LUC7L: variants seen among roughly 807,000 people sequenced by gnomAD.
The protein encoded by LUC7L is putative RNA-binding protein Luc7-like 1.
LUC7L carries 29 observed loss-of-function variants against 51.1 expected under a neutral mutation model. The observed-to-expected ratio is 0.57, with a 90% CI of 0.42 to 0.77. LUC7L has a LOEUF of 0.77. Ranked by LOEUF, LUC7L falls within the 30% of genes least tolerant of loss-of-function variation. The pLI, the probability that LUC7L is intolerant of heterozygous loss-of-function variation, is 0.00. For synonymous variants in LUC7L, 181 were observed against 180.7 expected (o/e 1.00, Z -0.01); for missense variants, 403 against 511.9 (o/e 0.79, Z 2.05).
In LUC7L at chr16:189,066, G is replaced by C; in HGVS notation, c.*132C>G. On this transcript the variant is annotated 3_prime_UTR_variant, in exon 10 of 10. Transcript: ENST00000293872. ...ACAGGAGCAACTCTGTACACTTCTAGAAACTCACAGCTAGCTCCAAAACAA... is the reference window on the plus strand; with the variant it reads ...ACAGGAGCAACTCTGTACACTTCTACAAACTCACAGCTAGCTCCAAAACAA... The C allele has an allele frequency of 9.6e-7, 1 of 1,042,386 alleles. No individual in the cohort carries two copies. Among genetic ancestry groups the C allele is most frequent in the South Asian group, 1.5e-5 (1 of 64,962 alleles). 64.6% of individuals were successfully genotyped at this position (1,042,386 alleles called of 1,614,324 possible).
intron 3 of LUC7L, 82 bp from the exon 4 acceptor site, chr16:208,270 C>A: frequency 1.0e-6 from 1 of 1,000,356 alleles, no homozygotes; most frequent in South Asian, 1.4e-5. Flanking sequence ...ATAGGAAATA[C>A]ACTCCTAGGT....
chr16:222,952 A>G (rs1321891419), intron 2 of LUC7L, among the ~76,000 whole-genome samples: 1 of 105,800 alleles, frequency 9.5e-6, no homozygotes, highest in African/African-American at 3.9e-5. Flanking sequence ...CCCGTCTTTT[A>G]AAAAAAAAAA....
chr16:222,140 T>C lies in LUC7L; in HGVS notation c.157-1393A>G, dbSNP rs2049986902. 3.3e-5 allele frequency among the ~76,000 whole-genome samples: 5 copies of C among 152,260 alleles called. No individual in the cohort carries two copies. The South Asian group carries it at 1.0e-3, about 32-fold the overall frequency. ...TGCAGTACAATTAGAAAACAGTGTA[T>C]GATTTTAATCTAAATCCTAAGTATA... On this transcript the variant is annotated intron_variant, in intron 2 of 9. Transcript: ENST00000293872.
chr16:203,929 T>C (rs1479913385), intron 5 of LUC7L, among the ~76,000 whole-genome samples: 1 of 150,788 alleles, frequency 6.6e-6, no homozygotes, highest in Non-Finnish European at 1.5e-5. Context: ...GGCAGGAGAA[T>C]CGCTTGAGCC....
chr16:214,716 G>A (rs896513429), intron 3 of LUC7L, among the ~76,000 whole-genome samples: 2 of 152,114 alleles, frequency 1.3e-5, no homozygotes, highest in East Asian at 3.9e-4. Flanking sequence ...TTTGTGTACA[G>A]ACAGGGTTTG....
Position 201,592 on chromosome 16 carries a change from G to A in LUC7L, c.511-2354C>T, listed in dbSNP as rs1050088672. On this transcript the variant is annotated intron_variant, in intron 5 of 9. Transcript: ENST00000293872. ...GTAGCTGGGACTACAAGCGCACGCC[G>A]CCACGCCCGGCCAATTTTTTGTATT... is the stretch of plus-strand genomic sequence containing the variant. 5.3e-5 allele frequency among the ~76,000 whole-genome samples: 8 copies of A among 151,746 alleles called. No individual in the cohort carries two copies. In the South Asian group the frequency reaches 8.3e-4, roughly 16 times the overall value.
intron 6 of LUC7L, among the ~76,000 whole-genome samples, chr16:193,899 G>C (rs928928360): frequency 6.6e-6 from 1 of 151,864 alleles, no homozygotes; most frequent in Admixed American, 6.6e-5. Flanking sequence ...CGCCTCCCGG[G>C]TTCACGCCAT....
At chr16:201,533 G>A (rs1056248595) in intron 5 of LUC7L, among the ~76,000 whole-genome samples, 16 of 151,230 alleles carry the variant, frequency 1.1e-4, no homozygotes, top group African/African-American at 2.7e-4. Context: ...TCTGCCTCCC[G>A]GGTCCACACC....
At chr16:207,016 A>G (rs1359659801) in intron 4 of LUC7L, among the ~76,000 whole-genome samples, 52 of 151,578 alleles carry the variant, frequency 3.4e-4, no homozygotes, top group African/African-American at 1.2e-3. Flanking sequence ...TGGCTAACAC[A>G]GTGAAACCCC....
At position 189,287 on chromosome 16, in the gene LUC7L, C is replaced by A. The variant is rs776926792; in HGVS notation, c.1027G>T (p.Glu343Ter). The change falls in exon 10 of 10, where the codon GAG becomes TAG. Residue 343 changes from glutamate to a stop codon, truncating the protein, a stop_gained. Coordinates refer to ENST00000293872, the MANE Select transcript of LUC7L (RefSeq NM_201412.3). LOFTEE classifies it high-confidence loss of function. ...REESWESGRS[E>*]RGPPDWRLES... ...AGCCTCCAGTCCGGGGGCCCTCGCT[C>A]GCTCCGCCCGCTCTCCCAGGACTCC... 4 of 1,613,460 alleles carry A rather than the reference C, an allele frequency of 2.5e-6. No individual in the cohort carries two copies. Among genetic ancestry groups the A allele is most frequent in the Non-Finnish European group, 3.4e-6 (4 of 1,179,968 alleles).
chr16:190,041 G>A lies in LUC7L; in HGVS notation c.901C>T (p.Arg301Cys), dbSNP rs1470397435. The A allele has an allele frequency of 6.8e-6, 11 of 1,613,890 alleles. No homozygotes were observed. The highest frequency in any genetic ancestry group is 3.3e-5 in the Admixed American group (2 of 59,982). ...SRSRSRDRHR[R>C]HRSRSRSHSR... ...TGGCTCCGGGAACGGCTGCGGTGGC[G>A]CCGATGTCTATCTCGGGACCGGGAC... Residue 301 changes from arginine (R) to cysteine (C), a missense_variant, in exon 9 of 10, where the codon CGC becomes TGC. Arg to Cys is a radical substitution (Grantham distance 180). Around this residue, in one of 3 missense-constraint regions of LUC7L, gnomAD observed 206 missense variants for 218.3 expected, o/e 0.94. Transcript: ENST00000293872.
At chr16:228,648 C>G (rs2050186075) in intron 1 of LUC7L, 2 of 1,182,960 alleles carry the variant, frequency 1.7e-6, no homozygotes, top group African/African-American at 1.6e-5. Context: ...CAACCGCTTT[C>G]TCCTGTGACA....
Position 189,135 on chromosome 16 carries a change from TA to T in LUC7L, c.*62del. On this transcript the variant is annotated 3_prime_UTR_variant, in exon 10 of 10. Transcript: ENST00000293872. ...AAAGATGAGTTGTATTCAGCAAATA[TA>T]AAGGGTAATTTTAGACTGTGTGAAC... 6.7e-7 allele frequency: 1 copy of T among 1,492,120 alleles called. No homozygotes were observed. Among genetic ancestry groups the T allele is most frequent in the Non-Finnish European group, 9.1e-7 (1 of 1,097,944 alleles). The allele number at this position is 1,492,120 out of a possible 1,614,324, so 92.4% of individuals were successfully genotyped here.
chr16:199,538 G>A (rs2049258958), intron 5 of LUC7L, among the ~76,000 whole-genome samples: 1 of 152,096 alleles, frequency 6.6e-6, no homozygotes, highest in Non-Finnish European at 1.5e-5. Context: ...TTGGGAGGCT[G>A]AGGCTGGCGG....
intron 9 of LUC7L, chr16:189,764 T>G (rs1410917697): frequency 7.1e-7 from 1 of 1,408,586 alleles, no homozygotes; most frequent in Non-Finnish European, 9.2e-7. Context: ...ACAGTGCCTG[T>G]GCAGCCCATC....
At chr16:228,905 G>A in intron 1 of LUC7L, 1 of 1,348,226 alleles carries the variant, frequency 7.4e-7, no homozygotes, top group Non-Finnish European at 9.7e-7. Context: ...AGCCTCGGAA[G>A]AGTTCTGCCA....
chr16:211,254 C>A (rs577219412), intron 3 of LUC7L, among the ~76,000 whole-genome samples: 1 of 152,114 alleles, frequency 6.6e-6, no homozygotes, highest in East Asian at 1.9e-4. Context: ...AAACTCTAGA[C>A]GTCTAATTGC....
At position 190,064 on chromosome 16, in the gene LUC7L, G is replaced by T; in HGVS notation, c.878C>A (p.Ser293Tyr). Residue 293 changes from serine (S) to tyrosine (Y), a missense_variant, in exon 9 of 10, where the codon TCC becomes TAC. Coordinates refer to ENST00000293872, the MANE Select transcript of LUC7L (RefSeq NM_201412.3). ...GCGCCGATGTCTATCTCGGGACCGG[G>T]ACCGGGACAATTTCCGTCGCTCTCG... is the stretch of plus-strand genomic sequence containing the variant. Reference protein sequence around the residue: ...TSRERRKLSRSRSRDRHRRHR... With the variant: ...TSRERRKLSRYRSRDRHRRHR... The T allele has an allele frequency of 6.2e-7, 1 of 1,613,644 alleles. No individual in the cohort carries two copies. Among genetic ancestry groups the T allele is most frequent in the South Asian group, 1.1e-5 (1 of 91,080 alleles).
chr16:201,394 A>C (rs918579502), intron 5 of LUC7L, among the ~76,000 whole-genome samples: 1 of 152,118 alleles, frequency 6.6e-6, no homozygotes, highest in Non-Finnish European at 1.5e-5. Flanking sequence ...GTTGAGTAAA[A>C]AAAGTCAGTC....
Sources: gnomAD v4.1 joint callset for allele counts (sites outside exome capture counted in the v4.1 genomes callset) on GRCh38, gnomAD v4.1.1 for gene constraint, gnomAD v4.1.1 regional missense constraint, MANE v1.5 for transcripts, NCBI Gene and HGNC (gene_info 2026-07-23, HGNC 2026-07-21) for gene names.